EIF4G3: variants seen among roughly 807,000 people sequenced by gnomAD.
EIF4G3 encodes eukaryotic translation initiation factor 4 gamma 3, also known as eIF-4-gamma 3.
Under a neutral mutation model 186.4 loss-of-function variants are expected in EIF4G3, and 34 were observed. The observed-to-expected ratio is 0.18, with a 90% CI of 0.14 to 0.24. The LOEUF (loss-of-function observed/expected upper bound fraction) is 0.24, where lower values mean the gene tolerates loss of function less well. EIF4G3 is among the 10% of genes least tolerant of loss of function. EIF4G3 has a pLI of 1.00. For missense variants in EIF4G3, 1,536 were observed against 1,948.5 expected (o/e 0.79, Z 3.99); for synonymous variants, 673 against 679.5 (o/e 0.99, Z 0.15).
At chr1:20,880,894 A>T (rs1400427657) in intron 19 of EIF4G3, among the ~76,000 whole-genome samples, 1 of 152,194 alleles carries the variant, frequency 6.6e-6, no homozygotes, top group East Asian at 1.9e-4. Context: ...CCCCAAAGTG[A>T]TCTGCAGATA....
intron 3 of EIF4G3, among the ~76,000 whole-genome samples, chr1:21,062,491 C>T (rs564768540): frequency 6.6e-6 from 1 of 152,320 alleles, no homozygotes; most frequent in South Asian, 2.1e-4. Flanking sequence ...AAGGAACAAT[C>T]AAACCAATGT....
Position 20,921,499 on chromosome 1 carries a change from C to T in EIF4G3, c.1664-16528G>A, listed in dbSNP as rs564619605. Reference sequence around the variant, plus strand: ...GAAAGAACAGCTGTTGGATTCCAAACCATGATTTTAAGGTCATGGATTATG... The same window carrying T: ...GAAAGAACAGCTGTTGGATTCCAAATCATGATTTTAAGGTCATGGATTATG... On this transcript the variant is annotated intron_variant, in intron 14 of 36. Coordinates refer to ENST00000602326, the MANE Select transcript of EIF4G3 (RefSeq NM_001391906.1). Among the ~76,000 whole-genome samples the T allele has an allele frequency of 7.9e-5, 12 of 152,294 alleles. No individual in the cohort carries two copies. The South Asian group carries it at 1.2e-3, about 16-fold the overall frequency.
intron 12 of EIF4G3, among the ~76,000 whole-genome samples, chr1:20,956,384 T>C (rs914143555): frequency 5.3e-5 from 8 of 152,046 alleles, no homozygotes; most frequent in African/African-American, 1.2e-4. Context: ...TGGGCTGTTG[T>C]GTACAGAATC....
At chr1:21,102,124 G>T (rs951659138) in intron 2 of EIF4G3, among the ~76,000 whole-genome samples, 1 of 152,068 alleles carries the variant, frequency 6.6e-6, no homozygotes, top group Non-Finnish European at 1.5e-5. Context: ...GAGGAAAAAA[G>T]ACAAACACCA....
chr1:20,928,258 A>G (rs1488496164), intron 14 of EIF4G3, among the ~76,000 whole-genome samples: 1 of 152,182 alleles, frequency 6.6e-6, no homozygotes, highest in Non-Finnish European at 1.5e-5. Context: ...TCAAAAGATG[A>G]TATAATTTTT....
rs61255473 is a variant in EIF4G3, at chr1:20,986,744, CAAAAAAAA to C, written c.178-4344_178-4337del. ...AGCCTGGGCGACAGAGCTCTGTCTC[CAAAAAAAA>C]AAAAAAAAAAAAAAAAAAAGAAAAC... On this transcript the variant is annotated intron_variant, in intron 7 of 36. Coordinates refer to ENST00000602326, the MANE Select transcript of EIF4G3 (RefSeq NM_001391906.1). 6.0e-4 allele frequency among the ~76,000 whole-genome samples: 40 copies of C among 66,322 alleles called. 2 individuals carry two copies. The South Asian group carries it at 8.3e-3, about 14-fold the overall frequency. The allele number at this position is 66,322 out of a possible 152,430, so 43.5% of individuals were successfully genotyped here. A position where few individuals can be genotyped will look rare whatever the true frequency, so the allele number is the denominator to read the frequency against.
chr1:21,129,178 G>C (rs1362624737), intron 2 of EIF4G3, among the ~76,000 whole-genome samples: 4 of 151,930 alleles, frequency 2.6e-5, no homozygotes, highest in Non-Finnish European at 5.9e-5. Context: ...AGCCAGGCGT[G>C]GTGGCGGGTG....
intron 20 of EIF4G3, among the ~76,000 whole-genome samples, chr1:20,872,931 T>C (rs888278142): frequency 1.3e-5 from 2 of 152,060 alleles, no homozygotes; most frequent in African/African-American, 4.8e-5. Context: ...GAGATGGGGT[T>C]TCACCATGTT....
intron 12 of EIF4G3, among the ~76,000 whole-genome samples, chr1:20,958,268 C>A (rs1254344612): frequency 2.6e-5 from 4 of 152,166 alleles, no homozygotes; most frequent in African/African-American, 9.6e-5. Flanking sequence ...AAATGTGATA[C>A]ATCACATAAA....
At chr1:21,080,587 G>T (rs1339912447) in intron 3 of EIF4G3, among the ~76,000 whole-genome samples, 1 of 151,950 alleles carries the variant, frequency 6.6e-6, no homozygotes, top group South Asian at 2.1e-4. Flanking sequence ...TCAGCTCACC[G>T]CAACCTCTGC....
chr1:21,085,455 G>C (rs1209065322), intron 3 of EIF4G3, among the ~76,000 whole-genome samples: 1 of 152,080 alleles, frequency 6.6e-6, no homozygotes, highest in African/African-American at 2.4e-5. Context: ...CTGGAATTCA[G>C]AGGCGCAATC....
chr1:21,094,764 G>GCA (rs2096311342), intron 2 of EIF4G3, among the ~76,000 whole-genome samples: 2 of 83,022 alleles, frequency 2.4e-5, no homozygotes, highest in Admixed American at 2.7e-4. Flanking sequence ...AGAACTTAAA[G>GCA]TATAATAATA....
At chr1:20,977,059 T>C (rs538693246) in intron 10 of EIF4G3, among the ~76,000 whole-genome samples, 1 of 150,400 alleles carries the variant, frequency 6.6e-6, no homozygotes, top group East Asian at 2.0e-4. Context: ...TCCATGTTAA[T>C]TTAAGTTAAA....
intron 33 of EIF4G3, among the ~76,000 whole-genome samples, chr1:20,824,268 A>G (rs1014844216): frequency 6.6e-5 from 10 of 152,232 alleles, no homozygotes; most frequent in Non-Finnish European, 1.3e-4. Flanking sequence ...CCAGACTACA[A>G]CCAAAAAGAA....
At chr1:20,905,723 G>A (rs2091881082) in intron 14 of EIF4G3, among the ~76,000 whole-genome samples, 1 of 152,188 alleles carries the variant, frequency 6.6e-6, no homozygotes. Flanking sequence ...CCATCAGATA[G>A]TAAGCTGATG....
At chr1:21,110,663 T>C (rs1242997708) in intron 2 of EIF4G3, among the ~76,000 whole-genome samples, 1 of 152,146 alleles carries the variant, frequency 6.6e-6, no homozygotes, top group Admixed American at 6.6e-5. Context: ...ACTCCTGACC[T>C]CAGGTGATCC....
intron 20 of EIF4G3, among the ~76,000 whole-genome samples, chr1:20,867,221 G>A (rs942345163): frequency 2.6e-5 from 4 of 152,220 alleles, no homozygotes; most frequent in Admixed American, 1.3e-4. Flanking sequence ...CAGCATGGAA[G>A]CACTTTAATA....
At chr1:21,081,936 G>A (rs560414298) in intron 3 of EIF4G3, among the ~76,000 whole-genome samples, 57 of 151,746 alleles carry the variant, frequency 3.8e-4, no homozygotes, top group Admixed American at 2.6e-3. Context: ...AGCCAACCAC[G>A]CACAGCCCCA....
intron 28 of EIF4G3, among the ~76,000 whole-genome samples, chr1:20,851,017 G>A (rs1371813954): frequency 2.6e-5 from 4 of 152,122 alleles, no homozygotes; most frequent in Admixed American, 6.5e-5. Context: ...AAATACAGCA[G>A]GAGGACCTCC....
Sources: gnomAD v4.1 joint callset for allele counts (sites outside exome capture counted in the v4.1 genomes callset) on GRCh38, gnomAD v4.1.1 for gene constraint, MANE v1.5 for transcripts, NCBI Gene and HGNC (gene_info 2026-07-23, HGNC 2026-07-21) for gene names.